Variants in HIVEP3 observed in about 807,000 individuals in gnomAD.
HIVEP3 encodes HIVEP zinc finger 3.
A neutral mutation model predicts 152.8 loss-of-function variants in HIVEP3; 49 were observed. The observed-to-expected ratio is 0.32, with a 90% CI of 0.26 to 0.41. The LOEUF (loss-of-function observed/expected upper bound fraction) is 0.41, where lower values mean the gene tolerates loss of function less well. Ranked by LOEUF, HIVEP3 falls within the 10% of genes least tolerant of loss-of-function variation. HIVEP3 has a pLI of 1.00. For missense variants in HIVEP3, 2,790 were observed against 3,103.3 expected, an observed-to-expected ratio of 0.90 and a Z score of 2.40; for synonymous variants, 1,269 against 1,289.0, an observed-to-expected ratio of 0.98 and a Z score of 0.33.
chr1:41,787,255 G>A (rs1453415522), intron 1 of HIVEP3, among the ~76,000 whole-genome samples: 1 of 152,166 alleles, frequency 6.6e-6, no homozygotes. Flanking sequence ...GGATGCAAAG[G>A]TGAAAGTGAA....
intron 1 of HIVEP3, among the ~76,000 whole-genome samples, chr1:41,887,033 G>A (rs1449612350): frequency 6.6e-6 from 1 of 150,734 alleles, no homozygotes; most frequent in African/African-American, 2.5e-5. Context: ...GGATGTCTGT[G>A]TCTGAAGCCA....
intron 3 of HIVEP3, among the ~76,000 whole-genome samples, chr1:41,617,309 T>C (rs1321942770): frequency 6.6e-6 from 1 of 152,260 alleles, no homozygotes; most frequent in Non-Finnish European, 1.5e-5. Context: ...GTGTGTGTTT[T>C]TGGTTAAAAT....
chr1:41,880,985 C>T (rs756446563), intron 1 of HIVEP3, among the ~76,000 whole-genome samples: 1 of 152,154 alleles, frequency 6.6e-6, no homozygotes, highest in African/African-American at 2.4e-5. Flanking sequence ...TGGAACATGC[C>T]CTGTGTTATC....
chr1:41,680,244 C>T (rs1189786362), intron 2 of HIVEP3, among the ~76,000 whole-genome samples: 1 of 152,212 alleles, frequency 6.6e-6, no homozygotes, highest in South Asian at 2.1e-4. Flanking sequence ...GCAGCTGAGA[C>T]CCCTGGGCTC....
chr1:41,648,713 A>G (rs1645499972), intron 2 of HIVEP3, among the ~76,000 whole-genome samples: 1 of 152,258 alleles, frequency 6.6e-6, no homozygotes, highest in Non-Finnish European at 1.5e-5. Context: ...CATGGACTGT[A>G]GGCCAACCCC....
rs1330205218 is a variant in HIVEP3, at chr1:41,533,533, C to T, written c.5208-8623G>A. ...TCCTCCCCACTCTATGCTTTTGAGC[C>T]GCTGCAGCCCAGCTCTGATGACCAA... On this transcript the variant is annotated intron_variant, in intron 5 of 8. Transcript: ENST00000372583. The surrounding 1 kb of genome is among the most constrained non-coding windows in gnomAD (Gnocchi z 4.3). Among the ~76,000 whole-genome samples, 9 of 152,060 alleles carry T rather than the reference C, an allele frequency of 5.9e-5. No individual in the cohort carries two copies. The highest frequency in any genetic ancestry group is 1.9e-4 in the East Asian group (1 of 5,152).
Position 41,584,700 on chromosome 1 carries a change from G to C in HIVEP3, c.98C>G (p.Ser33Cys). The C allele has an allele frequency of 6.4e-7, 1 of 1,562,112 alleles. No individual in the cohort carries two copies. Among genetic ancestry groups the C allele is most frequent in the Non-Finnish European group, 8.6e-7 (1 of 1,156,740 alleles). The change falls in exon 4 of 9, where the codon TCC (serine) becomes TGC (cysteine). Residue 33 changes from serine to cysteine, a missense_variant. Coordinates refer to ENST00000372583, the MANE Select transcript of HIVEP3 (RefSeq NM_024503.5). This position sits in a 1 kb window ranked among gnomAD's most constrained non-coding sequence, Gnocchi z 5.2. ...KGEAIQTSVS[S>C]SVPYPGSGTA... Reference sequence around the variant, plus strand: ...GCCGCTGCCTGGGTATGGGACGCTGGAAGAAACACTGGTCTGAATGGCCTC... The same window carrying C: ...GCCGCTGCCTGGGTATGGGACGCTGCAAGAAACACTGGTCTGAATGGCCTC...
At chr1:41,975,898 A>T (rs1057003272) in intron 1 of HIVEP3, among the ~76,000 whole-genome samples, 2 of 152,208 alleles carry the variant, frequency 1.3e-5, no homozygotes, top group African/African-American at 4.8e-5. Context: ...GAACCAGCAC[A>T]GCATGTTCAG....
chr1:41,902,913 G>A (rs1300734230), intron 1 of HIVEP3, among the ~76,000 whole-genome samples: 4 of 152,206 alleles, frequency 2.6e-5, no homozygotes, highest in African/African-American at 9.7e-5. Flanking sequence ...ACTATAGGGT[G>A]TGAACGTAGC....
chr1:41,965,565 G>T (rs1165288772), intron 1 of HIVEP3, among the ~76,000 whole-genome samples: 2 of 152,174 alleles, frequency 1.3e-5, no homozygotes, highest in African/African-American at 2.4e-5. Flanking sequence ...AAACACATGA[G>T]AACTTCACAA....
chr1:41,791,576 A>G (rs773998542), intron 1 of HIVEP3, among the ~76,000 whole-genome samples: 7 of 148,738 alleles, frequency 4.7e-5, no homozygotes, highest in Non-Finnish European at 8.9e-5. Context: ...ATCATGCTCT[A>G]TGGATGGAGA....
At chr1:41,744,282 A>G (rs4660200) in intron 1 of HIVEP3, among the ~76,000 whole-genome samples, 60,032 of 152,002 alleles carry the variant, frequency 0.39, 11,998 homozygotes, top group East Asian at 0.47. Context: ...CTCGTGATCC[A>G]CCCACCTCAG....
At chr1:41,710,303 G>A (rs1646493726) in intron 1 of HIVEP3, among the ~76,000 whole-genome samples, 1 of 152,114 alleles carries the variant, frequency 6.6e-6, no homozygotes, top group Non-Finnish European at 1.5e-5. Flanking sequence ...CTCTTCATGT[G>A]ACCAAAAGGA....
intron 2 of HIVEP3, among the ~76,000 whole-genome samples, chr1:41,669,544 T>C (rs1473491470): frequency 6.6e-6 from 1 of 152,210 alleles, no homozygotes; most frequent in Non-Finnish European, 1.5e-5. Context: ...TCCAATCTAC[T>C]GAAGACCTGA....
At chr1:41,835,282 A>C (rs1175417497) in intron 1 of HIVEP3, among the ~76,000 whole-genome samples, 1 of 152,190 alleles carries the variant, frequency 6.6e-6, no homozygotes, top group Admixed American at 6.5e-5. Flanking sequence ...CTACAAGTCC[A>C]AGATCAAAGT....
intron 2 of HIVEP3, among the ~76,000 whole-genome samples, chr1:41,665,054 C>T (rs1394107779): frequency 6.6e-6 from 1 of 152,170 alleles, no homozygotes; most frequent in African/African-American, 2.4e-5. Context: ...GCTGGGGAGC[C>T]CTCACCTAGC....
chr1:42,032,135 C>G (rs772033047), intron 1 of HIVEP3, among the ~76,000 whole-genome samples: 2 of 152,196 alleles, frequency 1.3e-5, no homozygotes, highest in African/African-American at 2.4e-5. Context: ...CAGAAAAAAG[C>G]GCAGCCAATG....
chr1:41,691,922 G>C (rs1646203866), intron 2 of HIVEP3, among the ~76,000 whole-genome samples: 1 of 146,856 alleles, frequency 6.8e-6, no homozygotes, highest in Non-Finnish European at 1.5e-5. Context: ...CATTGTATCT[G>C]TAACCTCCGC....
At chr1:41,720,175 G>C (rs1350592372) in intron 1 of HIVEP3, among the ~76,000 whole-genome samples, 1 of 152,156 alleles carries the variant, frequency 6.6e-6, no homozygotes, top group African/African-American at 2.4e-5. Context: ...AAAGTCATCA[G>C]AGCAGGCAGG....
Sources: gnomAD v4.1 joint callset for allele counts (sites outside exome capture counted in the v4.1 genomes callset) on GRCh38, gnomAD v4.1.1 for gene constraint, Gnocchi (gnomAD v3.1) non-coding constraint, MANE v1.5 for transcripts, NCBI Gene and HGNC (gene_info 2026-07-23, HGNC 2026-07-21) for gene names.